The following SMG7 variants were observed in gnomAD, a reference collection of about 807,000 sequenced individuals.
The protein encoded by SMG7 is nonsense-mediated mRNA decay factor SMG7.
Under a neutral mutation model 148.2 loss-of-function variants are expected in SMG7, and 34 were observed. That is an observed-to-expected ratio of 0.23 (90% CI 0.17 to 0.31). SMG7 has a LOEUF of 0.31. Ranked by LOEUF, SMG7 falls within the 10% of genes least tolerant of loss-of-function variation. The probability of loss-of-function intolerance (pLI) is 1.00; values close to 1 mark genes in which losing one functional copy is unlikely to be tolerated. For missense variants in SMG7, 1,114 were observed against 1,408.4 expected, an observed-to-expected ratio of 0.79 and a Z score of 3.35; for synonymous variants, 492 against 515.1, an observed-to-expected ratio of 0.96 and a Z score of 0.61.
chr1:183,498,480 T>C (rs1659044432), intron 1 of SMG7, among the ~76,000 whole-genome samples: 1 of 152,228 alleles, frequency 6.6e-6, no homozygotes, highest in Admixed American at 6.5e-5. Context: ...ATTGTACCAC[T>C]GCACTCCAGT....
intron 2 of SMG7, among the ~76,000 whole-genome samples, chr1:183,514,522 TA>T (rs1228387382): frequency 2.7e-4 from 41 of 152,230 alleles, no homozygotes; most frequent in Non-Finnish European, 1.5e-4. Flanking sequence ...ATTGAAAACA[TA>T]ATCTATTGTG....
chr1:183,502,742 G>GT (rs1032158449), intron 1 of SMG7, among the ~76,000 whole-genome samples: 5 of 152,008 alleles, frequency 3.3e-5, no homozygotes, highest in East Asian at 1.9e-4. Flanking sequence ...AGTTTCTGTG[G>GT]TTTTTTTACA....
At position 183,538,363 on chromosome 1, in the gene SMG7, T is replaced by C; in HGVS notation, c.1235-17T>C. 1 of 1,602,742 alleles carries C rather than the reference T, an allele frequency of 6.2e-7. No homozygotes were observed. Among genetic ancestry groups the C allele is most frequent in the Non-Finnish European group, 8.5e-7 (1 of 1,170,132 alleles). On this transcript the variant is annotated splice_polypyrimidine_tract_variant and intron_variant, in intron 11 of 22. Transcript: ENST00000688051. ...TTTTAATTAAAATGTTTGCAAATTT[T>C]GATTTTGACCCTTTAGCGACACCAC...
chr1:183,503,146 C>T (rs1037498137), intron 1 of SMG7, among the ~76,000 whole-genome samples: 1 of 152,126 alleles, frequency 6.6e-6, no homozygotes, highest in Non-Finnish European at 1.5e-5. Context: ...CATCTATTCC[C>T]TCATCATCAA....
intron 1 of SMG7, among the ~76,000 whole-genome samples, chr1:183,488,300 A>G (rs1036046494): frequency 1.3e-5 from 2 of 152,100 alleles, no homozygotes; most frequent in Non-Finnish European, 1.5e-5. Context: ...GTGCTGTCCA[A>G]TATGGTACCC....
intron 1 of SMG7, among the ~76,000 whole-genome samples, chr1:183,510,123 C>T (rs1397054504): frequency 2.0e-5 from 3 of 152,098 alleles, no homozygotes; most frequent in African/African-American, 4.8e-5. Context: ...CCTGAACATA[C>T]TTGAGTATAA....
intron 1 of SMG7, among the ~76,000 whole-genome samples, chr1:183,499,990 G>A (rs978347797): frequency 1.3e-5 from 2 of 152,108 alleles, no homozygotes; most frequent in Non-Finnish European, 2.9e-5. Context: ...TTTCAAGAAG[G>A]TACAGGGGTT....
At chr1:183,529,133 G>A (rs761009751) in intron 7 of SMG7, 91 bp downstream of exon 7, 15 of 1,209,032 alleles carry the variant, frequency 1.2e-5, no homozygotes, top group Admixed American at 4.6e-5. Context: ...AGAAAATAAC[G>A]GCCTATGCTT....
intron 3 of SMG7, chr1:183,516,224 G>T (rs565097819): frequency 1.4e-4 from 52 of 366,508 alleles, no homozygotes; most frequent in Admixed American, 9.5e-4. Flanking sequence ...CATTACGGCA[G>T]CTCTTTTAGG....
intron 1 of SMG7, among the ~76,000 whole-genome samples, chr1:183,504,092 A>G (rs1660365881): frequency 6.6e-6 from 1 of 152,010 alleles, no homozygotes; most frequent in African/African-American, 2.4e-5. Context: ...TTTTAGTTGT[A>G]TTCTAGGCAT....
At chr1:183,549,407 A>C (rs1359949149) in intron 19 of SMG7, 119 bp downstream of exon 19, 1 of 742,950 alleles carries the variant, frequency 1.3e-6, no homozygotes, top group African/African-American at 1.8e-5. Flanking sequence ...TGTATTCCAG[A>C]TATTTGATTT....
intron 2 of SMG7, 26 bp from the exon 3 acceptor site, chr1:183,515,848 G>A (rs780139235): frequency 9.0e-6 from 13 of 1,445,630 alleles, no homozygotes; most frequent in African/African-American, 2.8e-5. Context: ...TCTATCTACC[G>A]TTATGTTTTT....
intron 4 of SMG7, among the ~76,000 whole-genome samples, chr1:183,523,951 G>A (rs1275783352): frequency 6.7e-6 from 1 of 148,956 alleles, no homozygotes; most frequent in Non-Finnish European, 1.5e-5. Context: ...ATATATGTAG[G>A]TATATATATA....
At chr1:183,516,040 A>C in intron 3 of SMG7, 49 bp downstream of exon 3, 2 of 1,143,778 alleles carry the variant, frequency 1.7e-6, no homozygotes, top group Non-Finnish European at 1.3e-6. Flanking sequence ...CAAGAATTTC[A>C]CCGAGACTTT....
chr1:183,545,880 C>A, intron 16 of SMG7, 86 bp from the exon 17 acceptor site: 1 of 1,468,686 alleles, frequency 6.8e-7, no homozygotes, highest in Non-Finnish European at 9.1e-7. Context: ...GGAAAACACC[C>A]CAAGTTCATT....
chr1:183,535,605 T>C (rs1395256880), intron 10 of SMG7, among the ~76,000 whole-genome samples: 3 of 152,212 alleles, frequency 2.0e-5, no homozygotes, highest in Non-Finnish European at 1.5e-5. Flanking sequence ...CTCAGAATTT[T>C]ATGTATATTC....
chr1:183,539,629 A>G (rs185108214), intron 12 of SMG7, among the ~76,000 whole-genome samples: 66 of 152,252 alleles, frequency 4.3e-4, no homozygotes, highest in Admixed American at 1.2e-3. Flanking sequence ...ATATTTTCCG[A>G]TTTGGTCAGC....
intron 1 of SMG7, chr1:183,473,103 T>G: frequency 2.4e-5 from 4 of 166,400 alleles, no homozygotes; most frequent in Admixed American, 6.6e-5. Flanking sequence ...CCTGGGGTGT[T>G]GGGGCGGGGG....
At chr1:183,520,607 G>C (rs528923578) in intron 4 of SMG7, among the ~76,000 whole-genome samples, 77 of 152,228 alleles carry the variant, frequency 5.1e-4, no homozygotes, top group Middle Eastern at 3.4e-3. Context: ...GGCTCTGTTG[G>C]GGGGAGGGGG....
Sources: allele counts gnomAD v4.1 joint callset (sites outside exome capture counted in the v4.1 genomes callset), GRCh38; gene constraint gnomAD v4.1.1; transcripts MANE v1.5; gene names NCBI Gene and HGNC (gene_info 2026-07-23, HGNC 2026-07-21).